DUOXA2: variants seen among roughly 807,000 people sequenced by gnomAD.
DUOXA2 encodes the protein dual oxidase maturation factor 2.
Under a neutral mutation model 27.6 loss-of-function variants are expected in DUOXA2, and 22 were observed. That is an observed-to-expected ratio of 0.80 (90% confidence interval 0.57 to 1.14). The LOEUF (loss-of-function observed/expected upper bound fraction) is 1.14, where lower values mean the gene tolerates loss of function less well. DUOXA2 is among the 50% of genes most tolerant of loss of function. The pLI is 0.00. For missense variants in DUOXA2, 481 were observed against 419.9 expected (o/e 1.15, Z -1.27); for synonymous variants, 188 against 184.4 (o/e 1.02, Z -0.16).
At chr15:45,115,578 C>G (rs1005295613) in intron 1 of DUOXA2, 14 of 691,494 alleles carry the variant, frequency 2.0e-5, no homozygotes, top group Non-Finnish European at 3.4e-5. Context: ...AGGGGAGGTG[C>G]TGTTAGGGTA....
intron 3 of DUOXA2, 76 bp from the exon 4 acceptor site, chr15:45,116,440 C>A (rs948493756): frequency 6.3e-7 from 1 of 1,583,536 alleles, no homozygotes; most frequent in South Asian, 1.1e-5. Flanking sequence ...GCCACACCCC[C>A]ACTTTCCTGT....
chr15:45,115,374 G>A, intron 1 of DUOXA2: 1 of 464,870 alleles, frequency 2.2e-6, no homozygotes, highest in Non-Finnish European at 4.3e-6. Context: ...AGGAGTATCT[G>A]CATTCCCACC....
In DUOXA2 at chr15:45,118,099, T is replaced by C; in HGVS notation, c.*190T>C. ...AAATAAACCTTTTTTTCTTTTGTTTTTTAAAAACTGTTTTTCCCATTAATT... is the reference window on the plus strand; with the variant it reads ...AAATAAACCTTTTTTTCTTTTGTTTCTTAAAAACTGTTTTTCCCATTAATT... On this transcript the variant is annotated 3_prime_UTR_variant, in exon 6 of 6. Coordinates refer to ENST00000323030, the MANE Select transcript of DUOXA2 (RefSeq NM_207581.4). 2 of 1,504,050 alleles carry C rather than the reference T, an allele frequency of 1.3e-6. No homozygotes were observed. The highest frequency in any genetic ancestry group is 1.8e-6 in the Non-Finnish European group (2 of 1,130,602). 93.2% of individuals were successfully genotyped at this position (1,504,050 alleles called of 1,614,324 possible).
chr15:45,115,673 G>A (rs1894594053), intron 1 of DUOXA2, 126 bp from the exon 2 acceptor site: 1 of 1,137,478 alleles, frequency 8.8e-7, no homozygotes, highest in Non-Finnish European at 1.3e-6. Flanking sequence ...TGCAGGAAAA[G>A]CGTGCCTAAC....
At chr15:45,116,400 A>G in intron 3 of DUOXA2, 116 bp from the exon 4 acceptor site, 1 of 1,551,372 alleles carries the variant, frequency 6.4e-7, no homozygotes, top group East Asian at 2.3e-5. Context: ...TTCTCCAACC[A>G]CCACCGAACC....
rs1484858287 is a variant in DUOXA2, at chr15:45,114,511, A to G, written c.-95A>G. ...CCCACTCGGTCCCAGCCTTGTACGC[A>G]AAGAGACGCCAAGGACGCGCTCTCC... On this transcript the variant is annotated 5_prime_UTR_variant, in exon 1 of 6. Transcript: ENST00000323030. The G allele has an allele frequency of 3.2e-6, 5 of 1,554,320 alleles. No individual in the cohort carries two copies. The highest frequency in any genetic ancestry group is 4.4e-6 in the Non-Finnish European group (5 of 1,147,164).
rs1748944581 is a variant in DUOXA2 at position 45,117,982 on chromosome 15, G to C, written c.*73G>C. 6.2e-7 allele frequency: 1 copy of C among 1,612,528 alleles called. No individual in the cohort carries two copies. The highest frequency in any genetic ancestry group is 8.5e-7 in the Non-Finnish European group (1 of 1,179,556). ...GGGAAGCAGTGCCCGCCAGGCCTGGGCCAGGAGAGCTCCAGGAAGGGCACT... is the reference window on the plus strand; with the variant it reads ...GGGAAGCAGTGCCCGCCAGGCCTGGCCCAGGAGAGCTCCAGGAAGGGCACT... On this transcript the variant is annotated 3_prime_UTR_variant, in exon 6 of 6. Transcript: ENST00000323030.
At chr15:45,115,534 A>G (rs1177983748) in intron 1 of DUOXA2, 2 of 645,800 alleles carry the variant, frequency 3.1e-6, no homozygotes, top group Non-Finnish European at 2.9e-6. Context: ...TAGGGGAGTG[A>G]AGGTGGTGGA....
At position 45,116,214 on chromosome 15, in the gene DUOXA2, T is replaced by C; in HGVS notation, c.296T>C (p.Val99Ala). ...AGCGCAGCGCGCGTTACAGCCCGTG[T>C]CCGTCTGCTCGTGGGCCTGGAGGGC... ...AFSAARVTAR[V>A]RLLVGLEGIN... The change falls in exon 3 of 6, where the codon GTC (valine) becomes GCC (alanine). Residue 99 changes from valine to alanine, a missense_variant. Physicochemically the swap from Val to Ala is moderately conservative, Grantham distance 64. Coordinates refer to ENST00000323030, the MANE Select transcript of DUOXA2 (RefSeq NM_207581.4). 6.2e-7 allele frequency: 1 copy of C among 1,614,058 alleles called. No homozygotes were observed. Among genetic ancestry groups the C allele is most frequent in the Non-Finnish European group, 8.5e-7 (1 of 1,180,004 alleles).
chr15:45,117,645 T>G, intron 5 of DUOXA2, 71 bp from the exon 6 acceptor site: 1 of 1,613,674 alleles, frequency 6.2e-7, no homozygotes, highest in Non-Finnish European at 8.5e-7. Context: ...GAGGCCAGAG[T>G]TCGAGACCAG....
At chr15:45,117,057 C>A (rs762212784) in intron 4 of DUOXA2, 34 bp from the exon 5 acceptor site, 3 of 1,591,658 alleles carry the variant, frequency 1.9e-6, no homozygotes, top group Non-Finnish European at 1.7e-6. Context: ...CTGGGAGAAG[C>A]CCGCTCACAG....
At chr15:45,116,971 C>A in intron 4 of DUOXA2, 120 bp from the exon 5 acceptor site, 2 of 1,276,448 alleles carry the variant, frequency 1.6e-6, no homozygotes, top group Admixed American at 2.0e-5. Flanking sequence ...TTCCCCTGCA[C>A]CGCTGCCATC....
rs776768639 is a variant in DUOXA2, at chr15:45,116,228, G to A, written c.310G>A (p.Gly104Ser). ...RVTARVRLLVGLEGINITLTG... is the reference protein window; with the variant it reads ...RVTARVRLLVSLEGINITLTG... ...TACAGCCCGTGTCCGTCTGCTCGTG[G>A]GCCTGGAGGGCATTAATATTACACT... Residue 104 changes from glycine to serine, a missense_variant, in exon 3 of 6, where the codon GGC (glycine) becomes AGC (serine). Transcript: ENST00000323030. The A allele has an allele frequency of 2.5e-6, 4 of 1,613,966 alleles. No homozygotes were observed. The highest frequency in any genetic ancestry group is 3.4e-6 in the Non-Finnish European group (4 of 1,180,040).
chr15:45,117,597 T>C (rs148529632), intron 5 of DUOXA2, 119 bp from the exon 6 acceptor site: 3 of 1,612,892 alleles, frequency 1.9e-6, no homozygotes, highest in Non-Finnish European at 2.5e-6. Flanking sequence ...ACGCCTGTAA[T>C]CCCAGCACTT....
rs1894621519 is a variant in DUOXA2 at position 45,116,192 on chromosome 15, GCA to G, written c.275_276del (p.Ala92GlyfsTer17). ...CAACACATCCTACAAAGCCTTCAGC[GCA>G]GCGCGCGTTACAGCCCGTGTCCGTC... ...NTNTSYKAFS[A>X]ARVTARVRLL... On this transcript the variant is annotated frameshift_variant, in exon 3 of 6. Transcript: ENST00000323030. LOFTEE classifies it high-confidence loss of function. 6.2e-7 allele frequency: 1 copy of G among 1,613,852 alleles called. No individual in the cohort carries two copies. Among genetic ancestry groups the G allele is most frequent in the African/African-American group, 1.3e-5 (1 of 74,882 alleles).
intron 1 of DUOXA2, chr15:45,115,558 G>A (rs559974062): frequency 1.5e-6 from 1 of 676,072 alleles, no homozygotes; most frequent in East Asian, 2.9e-5. Flanking sequence ...GTGCCAGGAA[G>A]TGGGGGTGGA....
intron 1 of DUOXA2, 51 bp downstream of exon 1, chr15:45,114,803 A>T (rs1347948584): frequency 3.7e-6 from 6 of 1,613,452 alleles, no homozygotes; most frequent in Non-Finnish European, 5.1e-6. Flanking sequence ...TCATGGGCAG[A>T]TTGTCTCCTG....
In DUOXA2 at chr15:45,117,277, CG is replaced by C; in HGVS notation, c.742del (p.Ala248ProfsTer21). On this transcript the variant is annotated frameshift_variant, in exon 5 of 6. Transcript: ENST00000323030. LOFTEE classifies it low-confidence loss of function (END_TRUNC). Reference protein sequence around the residue: ...GSSALTTQYGAAFWVTLATGV... With the variant: ...GSSALTTQYGXAFWVTLATGV... The stretch of plus-strand genomic sequence containing the variant: ...CCTCCGCGCTCACCACTCAGTACGG[CG>C]CCGCCTTCTGGGTCACGCTGGCAAC... 1 of 1,603,076 alleles carries C rather than the reference CG, an allele frequency of 6.2e-7. No individual in the cohort carries two copies. The highest frequency in any genetic ancestry group is 8.5e-7 in the Non-Finnish European group (1 of 1,173,866).
chr15:45,118,100 T>C lies in DUOXA2; in HGVS notation c.*191T>C. The C allele has an allele frequency of 1.5e-5, 22 of 1,497,974 alleles. No homozygotes were observed. The highest frequency in any genetic ancestry group is 1.9e-5 in the Non-Finnish European group (21 of 1,127,742). The allele number at this position is 1,497,974 out of a possible 1,614,324, so 92.8% of individuals were successfully genotyped here. Reference sequence around the variant, plus strand: ...AATAAACCTTTTTTTCTTTTGTTTTTTAAAAACTGTTTTTCCCATTAATTT... The same window carrying C: ...AATAAACCTTTTTTTCTTTTGTTTTCTAAAAACTGTTTTTCCCATTAATTT... On this transcript the variant is annotated 3_prime_UTR_variant, in exon 6 of 6. Transcript: ENST00000323030.
Sources: allele counts gnomAD v4.1 joint callset, GRCh38; gene constraint gnomAD v4.1.1; transcripts MANE v1.5; gene names NCBI Gene and HGNC (gene_info 2026-07-23, HGNC 2026-07-21).